PHACTR2: variants seen among roughly 807,000 people sequenced by gnomAD.
The protein encoded by PHACTR2 is phosphatase and actin regulator 2, also known as chromosome 6 open reading frame 56.
In PHACTR2, 30 loss-of-function variants were observed where a neutral mutation model predicts 76.0. That is an observed-to-expected ratio of 0.39 (90% CI 0.30 to 0.54). PHACTR2 has a LOEUF of 0.54. PHACTR2 is among the 20% of genes least tolerant of loss of function. The probability of loss-of-function intolerance (pLI) is 0.61; values close to 1 mark genes in which losing one functional copy is unlikely to be tolerated. For synonymous variants in PHACTR2, 292 were observed against 292.5 expected, an observed-to-expected ratio of 1.00 and a Z score of 0.02; for missense variants, 696 against 781.1, an observed-to-expected ratio of 0.89 and a Z score of 1.30.
At chr6:143,785,643 C>T (rs948029646) in intron 10 of PHACTR2, among the ~76,000 whole-genome samples, 2 of 152,172 alleles carry the variant, frequency 1.3e-5, no homozygotes, top group Admixed American at 6.5e-5. Context: ...TCCATGAGCC[C>T]CACCCCACCC....
intron 2 of PHACTR2, among the ~76,000 whole-genome samples, chr6:143,713,820 C>G (rs1489622165): frequency 6.6e-6 from 1 of 152,188 alleles, no homozygotes; most frequent in Non-Finnish European, 1.5e-5. Flanking sequence ...TCAAGTGCCT[C>G]CCTCTCACAT....
upstream of PHACTR2, among the ~76,000 whole-genome samples, chr6:143,674,620 TC>T (rs1292108941): frequency 2.0e-5 from 3 of 152,078 alleles, no homozygotes; most frequent in African/African-American, 7.2e-5. This position sits in a 1 kb window ranked among gnomAD's most constrained non-coding sequence, Gnocchi z 4.9. Context: ...GCCTAACCCT[TC>T]CCTCCCATCA....
At position 143,578,066 on chromosome 6, in the gene PHACTR2, C is replaced by A. The variant is rs1440866829; in HGVS notation, c.217+40859C>A. ...GAGAATTCCACAGTCAACTTGCTTA[C>A]TAGGCCCCTCCCTTTCCCTCTCATG... On this transcript the variant is annotated intron_variant, in intron 1 of 11. Coordinates refer to the PHACTR2 transcript ENST00000367584. This position sits in a 1 kb window ranked among gnomAD's most constrained non-coding sequence, Gnocchi z 4.5. 1.3e-5 allele frequency among the ~76,000 whole-genome samples: 2 copies of A among 152,200 alleles called. No homozygotes were observed. The highest frequency in any genetic ancestry group is 2.9e-5 in the Non-Finnish European group (2 of 68,038).
intron 1 of PHACTR2, among the ~76,000 whole-genome samples, chr6:143,667,375 C>T (rs1156714559): frequency 2.0e-5 from 3 of 152,058 alleles, no homozygotes; most frequent in Non-Finnish European, 4.4e-5. Context: ...TTTTTTGGTT[C>T]TATATGAAAT....
At position 143,764,379 on chromosome 6, in the gene PHACTR2, G is replaced by A. The variant is rs1375834105; in HGVS notation, c.695-882G>A. Among the ~76,000 whole-genome samples the A allele has an allele frequency of 6.6e-6, 1 of 152,062 alleles. No homozygotes were observed. Among genetic ancestry groups the A allele is most frequent in the Admixed American group, 6.5e-5 (1 of 15,272 alleles). ...AACAAAAATACATTAAAGTTAGCCA[G>A]GCATGGTGGTACACACCTGTAGTCC... On this transcript the variant is annotated intron_variant, in intron 5 of 12. Transcript: ENST00000440869. This position sits in a 1 kb window ranked among gnomAD's most constrained non-coding sequence, Gnocchi z 4.7.
intron 1 of PHACTR2, among the ~76,000 whole-genome samples, chr6:143,615,620 G>C (rs1456379616): frequency 6.6e-6 from 1 of 151,344 alleles, no homozygotes; most frequent in Non-Finnish European, 1.5e-5. Context: ...TGTTACCATT[G>C]TAAAAAAAAT....
chr6:143,734,504 G>C (rs1180215277), intron 2 of PHACTR2, among the ~76,000 whole-genome samples: 1 of 152,174 alleles, frequency 6.6e-6, no homozygotes, highest in Admixed American at 6.5e-5. Flanking sequence ...AGATAAGCAA[G>C]GCATTTTCAC....
chr6:143,808,707 T>G (rs1355931963), intron 12 of PHACTR2, among the ~76,000 whole-genome samples: 1 of 152,206 alleles, frequency 6.6e-6, no homozygotes, highest in Non-Finnish European at 1.5e-5. Context: ...AATGTACTTC[T>G]TCTTTATTTT....
chr6:143,659,441 G>A lies in PHACTR2; in HGVS notation c.13+51119G>A, dbSNP rs1776908525. Among the ~76,000 whole-genome samples, 1 of 152,218 alleles carries A rather than the reference G, an allele frequency of 6.6e-6. No individual in the cohort carries two copies. Among genetic ancestry groups the A allele is most frequent in the Admixed American group, 6.5e-5 (1 of 15,284 alleles). On this transcript the variant is annotated intron_variant, in intron 1 of 11. Coordinates refer to the PHACTR2 transcript ENST00000305766. This position sits in a 1 kb window ranked among gnomAD's most constrained non-coding sequence, Gnocchi z 5.0. ...ATGTCGTCTCATCCAAGGCTTGACT[G>A]AGGAAGGATACACCTGGAAGTGCAT...
rs999105372 is a variant in PHACTR2, at chr6:143,770,831, A to G, written c.1233-1427A>G. Among the ~76,000 whole-genome samples, 6 of 151,576 alleles carry G rather than the reference A, an allele frequency of 4.0e-5. No homozygotes were observed. In the East Asian group the frequency reaches 1.2e-3, roughly 29 times the overall value. On this transcript the variant is annotated intron_variant, in intron 6 of 12. Transcript: ENST00000440869. ...CTTTGAAAATTGGCAATCTTTGTAC[A>G]TTAATAGTAACTCTTTAAATCATAG...
chr6:143,551,787 A>G (rs1775098926), intron 1 of PHACTR2, among the ~76,000 whole-genome samples: 2 of 152,204 alleles, frequency 1.3e-5, no homozygotes, highest in Admixed American at 1.3e-4. Flanking sequence ...TTGATATTAT[A>G]ATACCCATTG....
chr6:143,580,728 T>C lies in PHACTR2; in HGVS notation c.217+43521T>C, dbSNP rs1197675154. Among the ~76,000 whole-genome samples, 1 of 152,174 alleles carries C rather than the reference T, an allele frequency of 6.6e-6. No individual in the cohort carries two copies. The highest frequency in any genetic ancestry group is 2.4e-5 in the African/African-American group (1 of 41,448). ...ATAAAAGAAGGGAGCCACTTAGTCC[T>C]GGCCTCCATAGTGTGGGTGGCTGAA... On this transcript the variant is annotated intron_variant, in intron 1 of 11. Coordinates refer to the PHACTR2 transcript ENST00000367584. This position sits in a 1 kb window ranked among gnomAD's most constrained non-coding sequence, Gnocchi z 4.2.
chr6:143,675,828 A>G (rs1777235498), upstream of PHACTR2, among the ~76,000 whole-genome samples: 1 of 152,230 alleles, frequency 6.6e-6, no homozygotes, highest in Non-Finnish European at 1.5e-5. This position sits in a 1 kb window ranked among gnomAD's most constrained non-coding sequence, Gnocchi z 4.9. Context: ...AACTCTTAGT[A>G]AAACTGTGTG....
rs560571545 is a variant in PHACTR2, at chr6:143,586,611, A to G, written c.217+49404A>G. On this transcript the variant is annotated intron_variant, in intron 1 of 11. Transcript: ENST00000367584. Reference sequence around the variant, plus strand: ...TACCCAGTAGGCAAAGTGGCAGCCCAGGGCAGTTTTGCAGTCATATTTATA... The same window carrying G: ...TACCCAGTAGGCAAAGTGGCAGCCCGGGGCAGTTTTGCAGTCATATTTATA... Among the ~76,000 whole-genome samples the G allele has an allele frequency of 2.7e-3, 405 of 152,364 alleles. 2 individuals are homozygous for G. Among genetic ancestry groups the G allele is most frequent in the Admixed American group, 5.1e-3 (78 of 15,306 alleles).
intron 1 of PHACTR2, among the ~76,000 whole-genome samples, chr6:143,628,901 A>G (rs1776305713): frequency 7.2e-6 from 1 of 137,986 alleles, no homozygotes; most frequent in Non-Finnish European, 1.5e-5. Flanking sequence ...AATGGGAAAG[A>G]AGATGAATGT....
rs192756327 is a variant in PHACTR2 at position 143,639,447 on chromosome 6, T to A, written c.13+31125T>A. Among the ~76,000 whole-genome samples the A allele has an allele frequency of 6.6e-6, 1 of 152,264 alleles. No homozygotes were observed. Among genetic ancestry groups the A allele is most frequent in the Admixed American group, 6.5e-5 (1 of 15,292 alleles). ...CATTTTATAAGTGACACAAGCAAAA[T>A]AATTCTTATTTTTAATTCACACTTT... On this transcript the variant is annotated intron_variant, in intron 1 of 11. Coordinates refer to the PHACTR2 transcript ENST00000305766. This position sits in a 1 kb window ranked among gnomAD's most constrained non-coding sequence, Gnocchi z 5.0.
intron 1 of PHACTR2, among the ~76,000 whole-genome samples, chr6:143,609,060 C>T (rs1376059939): frequency 2.0e-5 from 3 of 152,138 alleles, no homozygotes; most frequent in Admixed American, 6.6e-5. Flanking sequence ...AGAATTCTCC[C>T]AGCTGTGTTA....
chr6:143,758,674 G>T (rs1779361760), intron 4 of PHACTR2, among the ~76,000 whole-genome samples: 1 of 152,162 alleles, frequency 6.6e-6, no homozygotes, highest in African/African-American at 2.4e-5. Flanking sequence ...TCTGATAAAT[G>T]TTGAGTAAGT....
intron 1 of PHACTR2, among the ~76,000 whole-genome samples, chr6:143,702,416 G>GT (rs1320298992): frequency 6.6e-6 from 1 of 151,912 alleles, no homozygotes; most frequent in Non-Finnish European, 1.5e-5. Flanking sequence ...CTGCTTTTTT[G>GT]TTTTTTACAA....
Sources: allele counts gnomAD v4.1 joint callset (sites outside exome capture counted in the v4.1 genomes callset), GRCh38; gene constraint gnomAD v4.1.1; non-coding constraint Gnocchi (gnomAD v3.1); transcripts MANE v1.5; gene names NCBI Gene and HGNC (gene_info 2026-07-23, HGNC 2026-07-21).